ZC3H6: variants seen among roughly 807,000 people sequenced by gnomAD.
ZC3H6 encodes zinc finger CCCH-type containing 6.
A neutral mutation model predicts 107.7 loss-of-function variants in ZC3H6; 40 were observed. That is an observed-to-expected ratio of 0.37 (90% CI 0.29 to 0.48). ZC3H6 has a LOEUF of 0.48. Among genes scored for constraint, ZC3H6 ranks in the 20% least tolerant of loss-of-function variants. ZC3H6 has a pLI of 0.98. For synonymous variants in ZC3H6, 493 were observed against 487.9 expected (o/e 1.01, Z -0.14); for missense variants, 1,267 against 1,410.4 (o/e 0.90, Z 1.63).
intron 3 of ZC3H6, among the ~76,000 whole-genome samples, chr2:112,308,442 T>TTA: frequency 6.7e-6 from 1 of 150,116 alleles, no homozygotes. Context: ...ATTTATTTAT[T>TTA]TTGAGACAGG....
In ZC3H6 at chr2:112,316,600, G is replaced by A. The variant is rs1229748231; in HGVS notation, c.864+14G>A. 1 of 1,467,466 alleles carries A rather than the reference G, an allele frequency of 6.8e-7. No individual in the cohort carries two copies. Among genetic ancestry groups the A allele is most frequent in the Non-Finnish European group, 9.3e-7 (1 of 1,076,768 alleles). 90.9% of individuals were successfully genotyped at this position (1,467,466 alleles called of 1,614,324 possible). A position where few individuals can be genotyped will look rare whatever the true frequency, so the allele number is the denominator to read the frequency against. On this transcript the variant is annotated intron_variant, in intron 6 of 11. Transcript: ENST00000409871. ...AGGTGTATTAAGGTAAATTTATAGA[G>A]GTATCATAAGTCATTTTAACTTCCA...
chr2:112,315,138 A>T (rs577175622), intron 5 of ZC3H6, among the ~76,000 whole-genome samples: 20 of 152,224 alleles, frequency 1.3e-4, no homozygotes, highest in Non-Finnish European at 2.8e-4. Flanking sequence ...CCTATGATAT[A>T]CAGGGCACAG....
rs545585282 is a variant in ZC3H6 at position 112,326,675 on chromosome 2, C to T, written c.2086+1478C>T. 3.9e-4 allele frequency among the ~76,000 whole-genome samples: 59 copies of T among 152,262 alleles called. No homozygotes were observed. The South Asian group carries it at 0.011, about 29-fold the overall frequency. ...TTACCCAGGCTGGGATTCAGTGACA[C>T]GATCTCGGCTCACTGCAACCTCTCC... On this transcript the variant is annotated intron_variant, in intron 11 of 11. Transcript: ENST00000409871.
chr2:112,335,444 A>T lies in ZC3H6; in HGVS notation c.*2956A>T, dbSNP rs1573969458. On this transcript the variant is annotated 3_prime_UTR_variant, in exon 12 of 12. Coordinates refer to ENST00000409871, the MANE Select transcript of ZC3H6 (RefSeq NM_198581.3). ...GCTGAATTAATTAGAGGTAGGAAGG[A>T]CTTACAAGGGCTGGAAGTTTAAAGA... 6.6e-6 allele frequency: 1 copy of T among 152,078 alleles called. No homozygotes were observed. Among genetic ancestry groups the T allele is most frequent in the African/African-American group, 2.4e-5 (1 of 41,404 alleles). 9.4% of individuals were successfully genotyped at this position (152,078 alleles called of 1,614,324 possible). A position where few individuals can be genotyped will look rare whatever the true frequency, so the allele number is the denominator to read the frequency against.
rs1245086069 is a variant in ZC3H6 at position 112,315,591 on chromosome 2, G to GT, written c.748-869dup. Reference sequence around the variant, plus strand: ...ATAAAATATTGTAAACTTTTTTTTTGTTTTTTTTTTGTTTGTTTGTTTGAG... The same window carrying GT: ...ATAAAATATTGTAAACTTTTTTTTTGTTTTTTTTTTTGTTTGTTTGTTTGAG... On this transcript the variant is annotated intron_variant, in intron 5 of 11. Transcript: ENST00000409871. Among the ~76,000 whole-genome samples, 371 of 144,320 alleles carry GT rather than the reference G, an allele frequency of 2.6e-3. 1 individual carries two copies. Among genetic ancestry groups the GT allele is most frequent in the African/African-American group, 7.5e-3 (295 of 39,492 alleles). 94.7% of individuals were successfully genotyped at this position (144,320 alleles called of 152,430 possible).
In ZC3H6 at chr2:112,325,190, GGAA is replaced by G. The variant is rs755644690; in HGVS notation, c.2084_2086del (p.Glu695del). On this transcript the variant is annotated inframe_deletion, in exon 11 of 12. Coordinates refer to ENST00000409871, the MANE Select transcript of ZC3H6 (RefSeq NM_198581.3). Reference sequence around the variant, plus strand: ...CCCAACCTCATAGGGCACCAAGCAAGGAAGAAGGTGTGTCAGAAGTTATTAATA... The same window carrying G: ...CCCAACCTCATAGGGCACCAAGCAAGGAAGGTGTGTCAGAAGTTATTAATA... 2.0e-5 allele frequency: 32 copies of G among 1,613,812 alleles called. No homozygotes were observed. Among genetic ancestry groups the G allele is most frequent in the East Asian group, 2.2e-5 (1 of 44,892 alleles).
At position 112,335,188 on chromosome 2, in the gene ZC3H6, A is replaced by T. The variant is rs757379903; in HGVS notation, c.*2700A>T. The stretch of plus-strand genomic sequence containing the variant: ...AGATGTTGGAGTGATTTCAAACTCT[A>T]TTTCAACAATTGGGTCTGTTTCTAT... On this transcript the variant is annotated 3_prime_UTR_variant, in exon 12 of 12. Coordinates refer to ENST00000409871, the MANE Select transcript of ZC3H6 (RefSeq NM_198581.3). The T allele has an allele frequency of 6.6e-6, 1 of 152,196 alleles. No individual in the cohort carries two copies. Among genetic ancestry groups the T allele is most frequent in the African/African-American group, 2.4e-5 (1 of 41,444 alleles). The allele number at this position is 152,196 out of a possible 1,614,324, so 9.4% of individuals were successfully genotyped here.
At chr2:112,291,651 G>A (rs979633084) in intron 1 of ZC3H6, among the ~76,000 whole-genome samples, 3 of 151,066 alleles carry the variant, frequency 2.0e-5, no homozygotes, top group African/African-American at 7.4e-5. Context: ...GTTTCTCTCC[G>A]CACAGAAAGT....
In ZC3H6 at chr2:112,324,976, A is replaced by G; in HGVS notation, c.1865A>G (p.His622Arg). ...GTTATACATGTAGATGGGATGTGGC[A>G]TGGTGAATTTGCCCAGCAGCAGCCT... ...PPNNSGDGMW[H>R]GEFAQQQPPV... The change falls in exon 11 of 12, where the codon CAT (histidine) becomes CGT (arginine). Residue 622 changes from histidine (H) to arginine (R), a missense_variant. Physicochemically the swap from His to Arg is conservative, Grantham distance 29. Coordinates refer to ENST00000409871, the MANE Select transcript of ZC3H6 (RefSeq NM_198581.3). 3 of 1,604,128 alleles carry G rather than the reference A, an allele frequency of 1.9e-6. No individual in the cohort carries two copies. The highest frequency in any genetic ancestry group is 2.6e-6 in the Non-Finnish European group (3 of 1,174,964).
intron 1 of ZC3H6, among the ~76,000 whole-genome samples, chr2:112,288,597 A>G (rs892503084): frequency 6.6e-6 from 1 of 152,232 alleles, no homozygotes; most frequent in Non-Finnish European, 1.5e-5. Flanking sequence ...ATTTGAACAC[A>G]GATCTTTCTG....
At chr2:112,289,674 A>G (rs1676062646) in intron 1 of ZC3H6, among the ~76,000 whole-genome samples, 1 of 152,188 alleles carries the variant, frequency 6.6e-6, no homozygotes, top group African/African-American at 2.4e-5. Flanking sequence ...AAATAGGGTG[A>G]CCCATTTTCT....
chr2:112,325,739 A>G (rs2104723576), intron 11 of ZC3H6, among the ~76,000 whole-genome samples: 1 of 152,284 alleles, frequency 6.6e-6, no homozygotes, highest in South Asian at 2.1e-4. Flanking sequence ...TTCTAGCCCA[A>G]TTTCAAAATG....
Position 112,339,314 on chromosome 2 carries a change from A to G in ZC3H6, c.*6826A>G, listed in dbSNP as rs1677199636. On this transcript the variant is annotated 3_prime_UTR_variant, in exon 12 of 12. Transcript: ENST00000409871. ...AGAAATTTGCCCTCAAATGTTTGAG[A>G]GGGAAGTCACATATGATAGAAAAAT... 1 of 152,240 alleles carries G rather than the reference A, an allele frequency of 6.6e-6. No homozygotes were observed. The highest frequency in any genetic ancestry group is 1.5e-5 in the Non-Finnish European group (1 of 68,038). The allele number at this position is 152,240 out of a possible 1,614,324, so 9.4% of individuals were successfully genotyped here.
In ZC3H6 at chr2:112,336,682, C is replaced by G. The variant is rs1197122646; in HGVS notation, c.*4194C>G. 6.6e-6 allele frequency: 1 copy of G among 152,084 alleles called. No homozygotes were observed. The highest frequency in any genetic ancestry group is 1.5e-5 in the Non-Finnish European group (1 of 68,018). 9.4% of individuals were successfully genotyped at this position (152,084 alleles called of 1,614,324 possible). On this transcript the variant is annotated 3_prime_UTR_variant, in exon 12 of 12. Coordinates refer to ENST00000409871, the MANE Select transcript of ZC3H6 (RefSeq NM_198581.3). ...GCTGGAGTTTTGTGTTTGAGTATGTCATTTATGTCATTTATCAGCAGTATC... is the reference window on the plus strand; with the variant it reads ...GCTGGAGTTTTGTGTTTGAGTATGTGATTTATGTCATTTATCAGCAGTATC...
At chr2:112,297,992 G>A (rs972951905) in intron 1 of ZC3H6, among the ~76,000 whole-genome samples, 5 of 152,128 alleles carry the variant, frequency 3.3e-5, no homozygotes, top group Admixed American at 3.3e-4. Context: ...GCGTGTGCCT[G>A]TAATCCCAGC....
chr2:112,310,002 A>G lies in ZC3H6; in HGVS notation c.454A>G (p.Ser152Gly), dbSNP rs1187475403. Residue 152 changes from serine to glycine, a missense_variant, in exon 4 of 12, where the codon AGT (serine) becomes GGT (glycine). By Grantham distance (56) the Ser-to-Gly change is moderately conservative. This residue lies in a region of ZC3H6 where 337 missense variants were observed against 361.2 expected (regional missense o/e 0.93). Transcript: ENST00000409871. ...CAGTGATGACAACTTCGGTAACTAC[A>G]GTGATGACAACTTTGGTAACTACGG... Reference protein sequence around the residue: ...TYSDDNFGNYSDDNFGNYGQE... With the variant: ...TYSDDNFGNYGDDNFGNYGQE... 11 of 1,613,550 alleles carry G rather than the reference A, an allele frequency of 6.8e-6. No individual in the cohort carries two copies. The highest frequency in any genetic ancestry group is 2.7e-5 in the African/African-American group (2 of 74,944).
chr2:112,322,671 T>C lies in ZC3H6; in HGVS notation c.1109T>C (p.Leu370Pro). Residue 370 changes from leucine (L) to proline (P), a missense_variant, in exon 9 of 12, where the codon CTC (leucine) becomes CCC (proline). Physicochemically the swap from Leu to Pro is moderately conservative, Grantham distance 98. Transcript: ENST00000409871. The stretch of plus-strand genomic sequence containing the variant: ...TAGGTGTTGAATACTGATGAAGAAC[T>C]CATAAATGAAGATGAAAGAGAATTA... Reference protein sequence around the residue: ...LDKVLNTDEELINEDERELEE... With the variant: ...LDKVLNTDEEPINEDERELEE... The C allele has an allele frequency of 6.2e-7, 1 of 1,606,128 alleles. No homozygotes were observed. Among genetic ancestry groups the C allele is most frequent in the Non-Finnish European group, 8.5e-7 (1 of 1,177,990 alleles).
At chr2:112,307,084 C>T (rs1676489657) in intron 3 of ZC3H6, among the ~76,000 whole-genome samples, 1 of 152,054 alleles carries the variant, frequency 6.6e-6, no homozygotes, top group Non-Finnish European at 1.5e-5. Flanking sequence ...CTGAATTGCC[C>T]AGTCTGCTAT....
Position 112,299,986 on chromosome 2 carries a change from G to C in ZC3H6, c.170G>C (p.Arg57Thr). The change falls in exon 2 of 12, where the codon AGA becomes ACA. Residue 57 changes from arginine (R) to threonine (T), a missense_variant. Arg to Thr is a moderately conservative substitution (Grantham distance 71). Coordinates refer to ENST00000409871, the MANE Select transcript of ZC3H6 (RefSeq NM_198581.3). ...TCAAGAAAAAAACATAAGAAAGAGA[G>C]AGAGAAGAAAAAATCCAAAAGGAGA... Reference protein sequence around the residue: ...RKSRKKHKKEREKKKSKRRKR... With the variant: ...RKSRKKHKKETEKKKSKRRKR... The C allele has an allele frequency of 6.7e-7, 1 of 1,488,496 alleles. No homozygotes were observed. The highest frequency in any genetic ancestry group is 8.9e-7 in the Non-Finnish European group (1 of 1,122,196). The allele number at this position is 1,488,496 out of a possible 1,614,324, so 92.2% of individuals were successfully genotyped here.
Sources: gnomAD v4.1 joint callset for allele counts (sites outside exome capture counted in the v4.1 genomes callset) on GRCh38, gnomAD v4.1.1 for gene constraint, gnomAD v4.1.1 regional missense constraint, MANE v1.5 for transcripts, NCBI Gene and HGNC (gene_info 2026-07-23, HGNC 2026-07-21) for gene names.